The following HEATR4 variants were observed in gnomAD, a reference collection of about 807,000 sequenced individuals.
The protein encoded by HEATR4 is HEAT repeat-containing protein 4.
In HEATR4, 95 loss-of-function variants were observed where a neutral mutation model predicts 108.8. The ratio of observed to expected loss-of-function variants is 0.87; its 90% CI spans 0.74 to 1.04. HEATR4 has a LOEUF of 1.04. Ranked by LOEUF, HEATR4 falls within the 50% of genes least tolerant of loss-of-function variation. The pLI is 0.00. For synonymous variants in HEATR4, 443 were observed against 459.4 expected (o/e 0.96, Z 0.46); for missense variants, 1,152 against 1,253.8 (o/e 0.92, Z 1.23).
intron 1 of HEATR4, among the ~76,000 whole-genome samples, chr14:73,533,856 G>C (rs1453381403): frequency 1.1e-5 from 1 of 90,500 alleles, no homozygotes; most frequent in African/African-American, 3.6e-5. Context: ...AGACCAGTCT[G>C]GGCAACATAG....
chr14:73,520,494 T>G, intron 4 of HEATR4: 1 of 176,050 alleles, frequency 5.7e-6, no homozygotes, highest in Non-Finnish European at 1.2e-5. Context: ...CATAGCACCT[T>G]GGTGGGAGAA....
chr14:73,537,068 C>G lies in HEATR4; in HGVS notation c.-151-6824G>C, dbSNP rs150310924. 182 of 189,166 alleles carry G rather than the reference C, an allele frequency of 9.6e-4. 65 individuals are homozygous for G. The East Asian group carries it at 0.087, about 91-fold the overall frequency. 11.7% of individuals were successfully genotyped at this position (189,166 alleles called of 1,614,324 possible). ...GCATGATCTTGGCCAACTGCAAGCT[C>G]CACCCCCCGGGATCACGCCATTCTC... On this transcript the variant is annotated intron_variant, in intron 1 of 17. Transcript: ENST00000553558.
chr14:73,513,357 G>A (rs1887381963), intron 6 of HEATR4, among the ~76,000 whole-genome samples: 1 of 152,118 alleles, frequency 6.6e-6, no homozygotes, highest in Non-Finnish European at 1.5e-5. Flanking sequence ...TACTTGGGAG[G>A]CTGAGGCAGG....
At chr14:73,621,761 C>CTTTTTTTTTTTTTTTTTTTT in the HEATR4 span, among the ~76,000 whole-genome samples, 1 of 109,546 alleles carries the variant, frequency 9.1e-6, no homozygotes, top group Admixed American at 9.7e-5. Context: ...TTCTTTCTTT[C>CTTTTTTTTTTTTTTTTTTTT]TTTTTTTTTT....
chr14:73,564,462 C>T, the HEATR4 span, among the ~76,000 whole-genome samples: 1 of 151,474 alleles, frequency 6.6e-6, no homozygotes, highest in Non-Finnish European at 1.5e-5. Flanking sequence ...AAAAATTAGC[C>T]AGGTGTGGTG....
At chr14:73,630,746 C>G in the HEATR4 span, among the ~76,000 whole-genome samples, 3 of 152,270 alleles carry the variant, frequency 2.0e-5, no homozygotes, top group Non-Finnish European at 4.4e-5. Context: ...TTATCACTGG[C>G]TTTAGGGAAA....
At chr14:73,616,215 A>C in the HEATR4 span, among the ~76,000 whole-genome samples, 1 of 151,938 alleles carries the variant, frequency 6.6e-6, no homozygotes, top group Non-Finnish European at 1.5e-5. Flanking sequence ...TGGTCCTCTT[A>C]TCTTGACCTC....
chr14:73,544,218 C>T lies in HEATR4; in HGVS notation c.-151-13974G>A, dbSNP rs974445494. On this transcript the variant is annotated intron_variant, in intron 1 of 17. Transcript: ENST00000553558. ...CTGACGCAGGAGAATTGCTTGAACC[C>T]GGGAGGCAGAGGTTGCAATGAGCTG... 1.9e-4 allele frequency among the ~76,000 whole-genome samples: 22 copies of T among 114,980 alleles called. 10 individuals carry two copies. Among genetic ancestry groups the T allele is most frequent in the East Asian group, 1.4e-3 (2 of 1,466 alleles). The allele number at this position is 114,980 out of a possible 152,430, so 75.4% of individuals were successfully genotyped here. A position where few individuals can be genotyped will look rare whatever the true frequency, so the allele number is the denominator to read the frequency against.
chr14:73,571,757 T>A, the HEATR4 span: 4 of 152,082 alleles, frequency 2.6e-5, no homozygotes, highest in African/African-American at 9.7e-5. Context: ...AAATGTTCTT[T>A]AAAAGTTTCT....
In HEATR4 at chr14:73,512,023, G is replaced by A; in HGVS notation, c.1541C>T (p.Thr514Ile). Reference sequence around the variant, plus strand: ...GCTCTCACCTGAGTCTCTCTGGCTGGTGGCAATCCGGGGCCGTTCCAAAGC... The same window carrying A: ...GCTCTCACCTGAGTCTCTCTGGCTGATGGCAATCCGGGGCCGTTCCAAAGC... ...TAALERPRIA[T>I]SQRDSDKTIQ... is the part of the protein sequence containing the mutation. Residue 514 changes from threonine (T) to isoleucine (I), a missense_variant, in exon 7 of 18, where the codon ACC becomes ATC. Physicochemically the swap from Thr to Ile is moderately conservative, Grantham distance 89. Coordinates refer to ENST00000553558, the MANE Select transcript of HEATR4 (RefSeq NM_001220484.1). 1.9e-6 allele frequency: 3 copies of A among 1,613,930 alleles called. No homozygotes were observed. The highest frequency in any genetic ancestry group is 2.5e-6 in the Non-Finnish European group (3 of 1,179,908).
chr14:73,536,087 CAG>C (rs1888855130), intron 1 of HEATR4, among the ~76,000 whole-genome samples: 1 of 115,242 alleles, frequency 8.7e-6, no homozygotes, highest in Non-Finnish European at 1.9e-5. Context: ...TTACAACTAA[CAG>C]GGAGTTGTAT....
chr14:73,627,895 G>A, the HEATR4 span, among the ~76,000 whole-genome samples: 87 of 151,840 alleles, frequency 5.7e-4, 1 homozygote, highest in African/African-American at 2.1e-3. Context: ...TGCAACTTCC[G>A]TCTCCTGGAT....
At chr14:73,564,361 A>G in the HEATR4 span, among the ~76,000 whole-genome samples, 6 of 151,594 alleles carry the variant, frequency 4.0e-5, no homozygotes, top group East Asian at 1.9e-4. Flanking sequence ...TATAATCCCA[A>G]CACTCAGGGA....
the HEATR4 span, among the ~76,000 whole-genome samples, chr14:73,587,780 C>G: frequency 6.6e-6 from 1 of 152,154 alleles, no homozygotes; most frequent in South Asian, 2.1e-4. Flanking sequence ...CCTCCCATTC[C>G]CACTTGATTT....
the HEATR4 span, chr14:73,573,247 G>T: frequency 3.9e-6 from 5 of 1,295,522 alleles, no homozygotes; most frequent in African/African-American, 5.8e-5. Context: ...GTTTCTGGAC[G>T]AACAGGTTTT....
At chr14:73,580,848 G>A in the HEATR4 span, 24 of 152,146 alleles carry the variant, frequency 1.6e-4, no homozygotes, top group Non-Finnish European at 1.5e-5. Flanking sequence ...TGTATTTCAA[G>A]ATGAAAGGAA....
At chr14:73,484,972 T>A (rs1595075997) in intron 17 of HEATR4, among the ~76,000 whole-genome samples, 1 of 152,182 alleles carries the variant, frequency 6.6e-6, no homozygotes, top group Middle Eastern at 3.4e-3. Flanking sequence ...GAGACCAGCT[T>A]AGCCAATATG....
chr14:73,526,084 C>A (rs1279340089), intron 2 of HEATR4, among the ~76,000 whole-genome samples: 1 of 152,144 alleles, frequency 6.6e-6, no homozygotes, highest in African/African-American at 2.4e-5. Context: ...GCCTATGCCC[C>A]CCTCCCTCAC....
In HEATR4 at chr14:73,498,316, G is replaced by A. The variant is rs527879515; in HGVS notation, c.2385C>T (p.Pro795=). 33 of 1,608,794 alleles carry A rather than the reference G, an allele frequency of 2.1e-5. No individual in the cohort carries two copies. In the African/African-American group the frequency reaches 2.4e-4, roughly 12 times the overall value. Residue 795 remains proline, a synonymous_variant, in exon 14 of 18, where the codon CCC becomes CCT. Coordinates refer to ENST00000553558, the MANE Select transcript of HEATR4 (RefSeq NM_001220484.1). ...CCCAGAGCAGAAGATCCGTCAGCTC[G>A]GGACTTACTTGCCCAATCTGTCCCA... is the stretch of plus-strand genomic sequence containing the variant. ...RALGQIGQVS[P]ELTDLLLWAI... is the part of the protein sequence containing the mutation.
Sources: allele counts gnomAD v4.1 joint callset (sites outside exome capture counted in the v4.1 genomes callset), GRCh38; gene constraint gnomAD v4.1.1; transcripts MANE v1.5; gene names NCBI Gene and HGNC (gene_info 2026-07-23, HGNC 2026-07-21).